RALA: variants seen among roughly 807,000 people sequenced by gnomAD.
RALA encodes ras-related protein Ral-A.
RALA carries 5 observed loss-of-function variants against 24.0 expected under a neutral mutation model. The observed-to-expected ratio is 0.21, with a 90% CI of 0.11 to 0.44. RALA has a LOEUF of 0.44. RALA is among the 20% of genes least tolerant of loss of function. The probability of loss-of-function intolerance (pLI) is 0.99; values close to 1 mark genes in which losing one functional copy is unlikely to be tolerated. For missense variants in RALA, 95 were observed against 241.2 expected, an observed-to-expected ratio of 0.39 and a Z score of 4.01; for synonymous variants, 77 against 83.8, an observed-to-expected ratio of 0.92 and a Z score of 0.44.
intron 1 of RALA, among the ~76,000 whole-genome samples, chr7:39,680,616 AT>A (rs947365837): frequency 5.9e-5 from 9 of 151,268 alleles, no homozygotes; most frequent in African/African-American, 2.2e-4. Context: ...GTTCTTTCAT[AT>A]TTTTTTCCTT....
intron 1 of RALA, among the ~76,000 whole-genome samples, chr7:39,639,418 G>T (rs971411463): frequency 6.6e-6 from 1 of 152,100 alleles, no homozygotes; most frequent in African/African-American, 2.4e-5. Flanking sequence ...AAGAAATGGC[G>T]GTGATGTGCG....
At chr7:39,696,139 A>G (rs146038253) in intron 3 of RALA, among the ~76,000 whole-genome samples, 35 of 152,300 alleles carry the variant, frequency 2.3e-4, no homozygotes, top group Middle Eastern at 3.4e-3. Flanking sequence ...TGGATAACTT[A>G]CCTCTCAATG....
intron 3 of RALA, among the ~76,000 whole-genome samples, chr7:39,693,501 G>C (rs900774020): frequency 2.0e-5 from 3 of 152,120 alleles, no homozygotes; most frequent in Non-Finnish European, 4.4e-5. Context: ...AAACCAACAT[G>C]GCACATGTAT....
intron 3 of RALA, among the ~76,000 whole-genome samples, chr7:39,692,600 C>T (rs1792841029): frequency 6.6e-6 from 1 of 152,102 alleles, no homozygotes; most frequent in South Asian, 2.1e-4. Flanking sequence ...GCTAGTAAAA[C>T]CAATCTATTA....
chr7:39,644,099 G>C lies in RALA; in HGVS notation c.-38+20274G>C, dbSNP rs149949945. On this transcript the variant is annotated intron_variant, in intron 1 of 4. Transcript: ENST00000005257. The stretch of plus-strand genomic sequence containing the variant: ...AAATTCTGGACTCAAAATCTTTACT[G>C]AATATAACTCAGAAATCAAAATACT... Among the ~76,000 whole-genome samples, 411 of 152,176 alleles carry C rather than the reference G, an allele frequency of 2.7e-3. 2 individuals carry two copies. Among genetic ancestry groups the C allele is most frequent in the African/African-American group, 9.5e-3 (393 of 41,524 alleles).
intron 1 of RALA, among the ~76,000 whole-genome samples, chr7:39,663,567 G>A (rs1027596613): frequency 4.0e-5 from 6 of 151,678 alleles, no homozygotes; most frequent in African/African-American, 1.5e-4. Flanking sequence ...ACCATAGATT[G>A]AGGTCTTCAG....
intron 1 of RALA, among the ~76,000 whole-genome samples, chr7:39,680,023 T>C (rs1792561159): frequency 6.6e-6 from 1 of 151,998 alleles, no homozygotes. Context: ...GTAGTACAAT[T>C]TTTCAAACTT....
chr7:39,702,283 A>G (rs1415150822), intron 4 of RALA, among the ~76,000 whole-genome samples: 1 of 152,126 alleles, frequency 6.6e-6, no homozygotes, highest in Non-Finnish European at 1.5e-5. Flanking sequence ...GTGTCTTTCC[A>G]GACGTTAAAA....
intron 4 of RALA, among the ~76,000 whole-genome samples, chr7:39,703,523 T>A (rs1297418094): frequency 6.6e-6 from 1 of 152,248 alleles, no homozygotes; most frequent in African/African-American, 2.4e-5. Context: ...AATTTTATGC[T>A]TCTTGCTGCA....
intron 1 of RALA, among the ~76,000 whole-genome samples, chr7:39,674,607 T>C (rs966847135): frequency 6.6e-6 from 1 of 152,192 alleles, no homozygotes; most frequent in Non-Finnish European, 1.5e-5. Flanking sequence ...TTTGGAAGCT[T>C]TCCCTGTGCT....
chr7:39,650,558 C>T (rs1792002487), intron 1 of RALA, among the ~76,000 whole-genome samples: 1 of 151,800 alleles, frequency 6.6e-6, no homozygotes, highest in Admixed American at 6.6e-5. Context: ...GGTCAAACCA[C>T]ATAGAAAATC....
intron 3 of RALA, among the ~76,000 whole-genome samples, chr7:39,693,659 TG>T (rs1792870951): frequency 6.6e-6 from 1 of 152,218 alleles, no homozygotes; most frequent in African/African-American, 2.4e-5. Flanking sequence ...AGATTGTGAT[TG>T]GCCAAAATGC....
intron 1 of RALA, among the ~76,000 whole-genome samples, chr7:39,635,507 T>A (rs1377523601): frequency 6.6e-6 from 1 of 152,244 alleles, no homozygotes; most frequent in African/African-American, 2.4e-5. Context: ...TCCTGATTTC[T>A]TCTGCCCCTC....
chr7:39,701,684 C>T (rs1562627363), intron 4 of RALA, among the ~76,000 whole-genome samples: 1 of 152,206 alleles, frequency 6.6e-6, no homozygotes, highest in Non-Finnish European at 1.5e-5. Context: ...TCCATAAGAT[C>T]ATTGGCTCAT....
intron 1 of RALA, among the ~76,000 whole-genome samples, chr7:39,628,968 TC>T (rs1202203194): frequency 6.6e-6 from 1 of 152,252 alleles, no homozygotes; most frequent in Non-Finnish European, 1.5e-5. Flanking sequence ...TAACTTTCAT[TC>T]TTAACTGCTA....
At chr7:39,704,395 C>G (rs1245949388) in intron 4 of RALA, among the ~76,000 whole-genome samples, 2 of 151,734 alleles carry the variant, frequency 1.3e-5, no homozygotes, top group African/African-American at 4.8e-5. Flanking sequence ...GATCTCAGCT[C>G]ACCGCAACCT....
chr7:39,687,686 G>A (rs1337294559), intron 2 of RALA, among the ~76,000 whole-genome samples: 2 of 152,132 alleles, frequency 1.3e-5, no homozygotes, highest in Non-Finnish European at 2.9e-5. Context: ...TCCAATGTAA[G>A]CATTTATCCT....
At chr7:39,646,257 C>T (rs1791921219) in intron 1 of RALA, among the ~76,000 whole-genome samples, 1 of 152,076 alleles carries the variant, frequency 6.6e-6, no homozygotes, top group Non-Finnish European at 1.5e-5. Context: ...CATGCCACTG[C>T]ACTCCAGTCT....
intron 1 of RALA, among the ~76,000 whole-genome samples, chr7:39,648,323 C>T (rs144831629): frequency 0.016 from 2,439 of 152,178 alleles, 31 homozygotes; most frequent in Middle Eastern, 0.034. Context: ...CATGTGTAAT[C>T]CAGAGCTTTA....
Sources: allele counts gnomAD v4.1 joint callset (sites outside exome capture counted in the v4.1 genomes callset), GRCh38; gene constraint gnomAD v4.1.1; transcripts MANE v1.5; gene names NCBI Gene and HGNC (gene_info 2026-07-23, HGNC 2026-07-21).